Variants in CNKSR3 observed in about 807,000 individuals in gnomAD.
CNKSR3 encodes CNKSR family member 3.
Under a neutral mutation model 67.7 loss-of-function variants are expected in CNKSR3, and 36 were observed. That is an observed-to-expected ratio of 0.53 (90% CI 0.41 to 0.70). The LOEUF is 0.70. CNKSR3 is among the 30% of genes least tolerant of loss of function. The probability of loss-of-function intolerance (pLI) is 0.00; values close to 1 mark genes in which losing one functional copy is unlikely to be tolerated. For missense variants in CNKSR3, 630 were observed against 695.2 expected (o/e 0.91, Z 1.05); for synonymous variants, 281 against 271.4 (o/e 1.04, Z -0.35).
chr6:154,458,585 C>A (rs1786007548), intron 1 of CNKSR3, among the ~76,000 whole-genome samples: 1 of 152,078 alleles, frequency 6.6e-6, no homozygotes, highest in Admixed American at 6.6e-5. Flanking sequence ...AAAGTTCCCT[C>A]GGGCCCCTTT....
chr6:154,407,180 G>A (rs1294890387), intron 12 of CNKSR3, among the ~76,000 whole-genome samples: 2 of 152,150 alleles, frequency 1.3e-5, no homozygotes, highest in African/African-American at 2.4e-5. Flanking sequence ...CGCCTGAGAG[G>A]TAGCACACGG....
intron 1 of CNKSR3, among the ~76,000 whole-genome samples, chr6:154,459,562 T>C (rs1055512807): frequency 2.0e-5 from 3 of 152,216 alleles, no homozygotes; most frequent in Non-Finnish European, 2.9e-5. Context: ...ACAGCTTCAA[T>C]TTCTTACAAA....
At chr6:154,409,118 A>G (rs1784858369) in intron 12 of CNKSR3, among the ~76,000 whole-genome samples, 1 of 152,112 alleles carries the variant, frequency 6.6e-6, no homozygotes, top group Non-Finnish European at 1.5e-5. Flanking sequence ...TCCCTTTTTC[A>G]CTTTAGCATA....
intron 12 of CNKSR3, among the ~76,000 whole-genome samples, chr6:154,408,012 A>G (rs898078075): frequency 2.0e-5 from 3 of 151,388 alleles, no homozygotes; most frequent in Non-Finnish European, 4.4e-5. Flanking sequence ...TTTACATAGT[A>G]TTATTGAATA....
In CNKSR3 at chr6:154,387,803, A is replaced by G. The variant is rs1385440762; in HGVS notation, c.*18551T>C. ...AGAAAAATGTTCTATCATCAAATGT[A>G]TTATGCATTTATTTTTTATCATTTG... On this transcript the variant is annotated 3_prime_UTR_variant, in exon 13 of 13. Transcript: ENST00000607772. 1 of 152,228 alleles carries G rather than the reference A, an allele frequency of 6.6e-6. No homozygotes were observed. Among genetic ancestry groups the G allele is most frequent in the Non-Finnish European group, 1.5e-5 (1 of 68,040 alleles). 9.4% of individuals were successfully genotyped at this position (152,228 alleles called of 1,614,324 possible). A position where few individuals can be genotyped will look rare whatever the true frequency, so the allele number is the denominator to read the frequency against.
At chr6:154,406,982 C>T (rs1001106705) in intron 12 of CNKSR3, among the ~76,000 whole-genome samples, 12 of 152,012 alleles carry the variant, frequency 7.9e-5, no homozygotes, top group African/African-American at 2.2e-4. Flanking sequence ...AATCACAATC[C>T]CCTACACAGT....
At chr6:154,447,856 A>C (rs1196637035) in intron 2 of CNKSR3, among the ~76,000 whole-genome samples, 1 of 152,248 alleles carries the variant, frequency 6.6e-6, no homozygotes, top group Non-Finnish European at 1.5e-5. Context: ...AGCATCACCA[A>C]TTTATATATC....
chr6:154,416,196 T>C (rs1489896418), intron 9 of CNKSR3, among the ~76,000 whole-genome samples: 1 of 152,142 alleles, frequency 6.6e-6, no homozygotes, highest in African/African-American at 2.4e-5. Flanking sequence ...ATCTCTGAAG[T>C]GAAACTGTGA....
At chr6:154,460,872 G>A (rs1786064988) in intron 1 of CNKSR3, among the ~76,000 whole-genome samples, 1 of 152,176 alleles carries the variant, frequency 6.6e-6, no homozygotes, top group African/African-American at 2.4e-5. Flanking sequence ...TGCAGTGGCC[G>A]CGACAGCTGC....
intron 12 of CNKSR3, 42 bp from the exon 13 acceptor site, chr6:154,406,694 G>A (rs186613303): frequency 1.3e-6 from 2 of 1,547,118 alleles, no homozygotes; most frequent in African/African-American, 1.4e-5. Flanking sequence ...TCCCAGCCGG[G>A]CGTGGTGGCT....
At chr6:154,509,260 G>A (rs1354587128) in intron 1 of CNKSR3, among the ~76,000 whole-genome samples, 3 of 151,868 alleles carry the variant, frequency 2.0e-5, no homozygotes, top group African/African-American at 7.3e-5. Context: ...AAAAGTAAGC[G>A]AGCCAGCTAG....
rs1784565952 is a variant in CNKSR3, at chr6:154,387,807, T to C, written c.*18547A>G. ...AAATGTTCTATCATCAAATGTATTA[T>C]GCATTTATTTTTTATCATTTGAAAT... On this transcript the variant is annotated 3_prime_UTR_variant, in exon 13 of 13. Transcript: ENST00000607772. The C allele has an allele frequency of 2.0e-5, 3 of 152,244 alleles. No individual in the cohort carries two copies. Among genetic ancestry groups the C allele is most frequent in the Admixed American group, 1.3e-4 (2 of 15,284 alleles). 9.4% of individuals were successfully genotyped at this position (152,244 alleles called of 1,614,324 possible).
At chr6:154,411,864 T>A (rs1003892229) in intron 10 of CNKSR3, among the ~76,000 whole-genome samples, 1 of 152,186 alleles carries the variant, frequency 6.6e-6, no homozygotes, top group Non-Finnish European at 1.5e-5. Flanking sequence ...ATTATGAAGT[T>A]GTTAGATTTG....
chr6:154,486,550 T>G (rs1442268947), intron 1 of CNKSR3, among the ~76,000 whole-genome samples: 3 of 148,878 alleles, frequency 2.0e-5, no homozygotes, highest in Non-Finnish European at 2.9e-5. Context: ...TGGGGTGCAA[T>G]GGCACGATCT....
At chr6:154,431,693 A>G (rs1428277565) in intron 5 of CNKSR3, among the ~76,000 whole-genome samples, 5 of 152,058 alleles carry the variant, frequency 3.3e-5, no homozygotes. Flanking sequence ...CCTGGCAAAC[A>G]TAGATCTTTT....
intron 2 of CNKSR3, among the ~76,000 whole-genome samples, chr6:154,449,436 C>A (rs988850784): frequency 1.3e-5 from 2 of 152,146 alleles, no homozygotes; most frequent in Non-Finnish European, 2.9e-5. Flanking sequence ...GATTCTCTGA[C>A]CTCAGCCTCC....
chr6:154,501,775 G>A (rs1201990994), intron 1 of CNKSR3, among the ~76,000 whole-genome samples: 1 of 152,040 alleles, frequency 6.6e-6, no homozygotes, highest in African/African-American at 2.4e-5. Flanking sequence ...GTTGGTGGTG[G>A]CGTTTGTCAC....
intron 1 of CNKSR3, among the ~76,000 whole-genome samples, chr6:154,469,536 C>CGAT (rs936197388): frequency 6.6e-6 from 1 of 152,166 alleles, no homozygotes; most frequent in Non-Finnish European, 1.5e-5. Flanking sequence ...AACAGTGGGA[C>CGAT]GATGACACCA....
chr6:154,421,229 G>A (rs1057025266), intron 9 of CNKSR3, among the ~76,000 whole-genome samples: 1 of 152,156 alleles, frequency 6.6e-6, no homozygotes, highest in Non-Finnish European at 1.5e-5. Flanking sequence ...GGCCAGGCTG[G>A]TCTCAAACTC....
Sources: allele counts gnomAD v4.1 joint callset (sites outside exome capture counted in the v4.1 genomes callset), GRCh38; gene constraint gnomAD v4.1.1; transcripts MANE v1.5; gene names NCBI Gene and HGNC (gene_info 2026-07-23, HGNC 2026-07-21).